The following FUZ variants were observed in gnomAD, a reference collection of about 807,000 sequenced individuals.
FUZ encodes the protein protein fuzzy homolog.
In FUZ, 31 loss-of-function variants were observed where a neutral mutation model predicts 43.1. That is an observed-to-expected ratio of 0.72 (90% CI 0.54 to 0.97). The LOEUF (loss-of-function observed/expected upper bound fraction) is 0.97, where lower values mean the gene tolerates loss of function less well. FUZ is among the 50% of genes least tolerant of loss of function. FUZ has a pLI of 0.00. For synonymous variants in FUZ, 274 were observed against 250.0 expected, an observed-to-expected ratio of 1.10 and a Z score of -0.91; for missense variants, 539 against 543.8, an observed-to-expected ratio of 0.99 and a Z score of 0.09.
chr19:49,813,020 G>A lies in FUZ; in HGVS notation c.87C>T (p.Arg29=). ...SGVPLFCRSS[R]GGAPARQQLP... ...CCTGCTGACGGGCGGGGGCGCCGCC[G>A]CGACTGCTCCTGCAGAATAGGGGGA... The change falls in exon 1 of 11, where the codon CGC becomes CGT. Residue 29 remains arginine, a synonymous_variant. Coordinates refer to ENST00000313777, the MANE Select transcript of FUZ (RefSeq NM_025129.5). The A allele has an allele frequency of 6.4e-7, 1 of 1,551,106 alleles. No individual in the cohort carries two copies. The highest frequency in any genetic ancestry group is 1.2e-5 in the South Asian group (1 of 84,048).
rs62129185 is a variant in FUZ at position 49,807,168 on chromosome 19, G to A, written c.1240C>T (p.Leu414Phe). The change falls in exon 11 of 11, where the codon CTC (leucine) becomes TTC (phenylalanine). Residue 414 changes from leucine to phenylalanine, a missense_variant. By Grantham distance (22) the Leu-to-Phe change is conservative (BLOSUM62 0). Transcript: ENST00000313777. ...CTAGGTAGTCAAAGAAGTGGGGTGAGGGCATGCAGAGTGTGGGTGGCCAGG... is the reference window on the plus strand; with the variant it reads ...CTAGGTAGTCAAAGAAGTGGGGTGAAGGCATGCAGAGTGTGGGTGGCCAGG... ...RSLATHTLHA[L>F]TPLL 19 of 1,613,226 alleles carry A rather than the reference G, an allele frequency of 1.2e-5. No individual in the cohort carries two copies. The Middle Eastern group carries it at 4.9e-4, about 42-fold the overall frequency.
intron 5 of FUZ, among the ~76,000 whole-genome samples, chr19:49,810,789 G>A (rs1352295444): frequency 1.3e-5 from 2 of 152,066 alleles, no homozygotes; most frequent in Non-Finnish European, 2.9e-5. Flanking sequence ...GTTCAAGGCT[G>A]CAGTGAGCTA....
Position 49,809,587 on chromosome 19 carries a change from A to T in FUZ, c.493-12T>A. 6.3e-7 allele frequency: 1 copy of T among 1,582,198 alleles called. No individual in the cohort carries two copies. Among genetic ancestry groups the T allele is most frequent in the East Asian group, 2.3e-5 (1 of 44,016 alleles). ...CCGGAGAGGGCTTCCTGGGTACGGG[A>T]GGCAGGAGGACTGGGAGTCAGCAGA... On this transcript the variant is annotated splice_polypyrimidine_tract_variant and intron_variant, in intron 5 of 10. Transcript: ENST00000313777. The surrounding 1 kb of genome is among the most constrained non-coding windows in gnomAD (Gnocchi z 5.1).
In FUZ at chr19:49,811,432, G is replaced by A. The variant is rs752582696; in HGVS notation, c.423C>T (p.Asp141=). 3 of 1,613,912 alleles carry A rather than the reference G, an allele frequency of 1.9e-6. No individual in the cohort carries two copies. The highest frequency in any genetic ancestry group is 2.2e-5 in the South Asian group (2 of 91,072). Residue 141 remains aspartate (D), a synonymous_variant, in exon 5 of 11, where the codon GAC becomes GAT. Transcript: ENST00000313777. ...GGGTCAGGTCCCCGATGAGCTCCGA[G>A]TCCCCCAGGAAGCTGTCGATGAGGC... ...SYCLIDSFLG[D]SELIGDLTQC... is the part of the protein sequence containing the mutation.
At position 49,807,020 on chromosome 19, in the gene FUZ, T is replaced by TGGG; in HGVS notation, c.*130_*131insCCC. Reference sequence around the variant, plus strand: ...AGGGGCCAGGGAAGTGGATGTCTCCTCCCCTCCCACCCCACCCTGTTGTAG... The same window carrying TGGG: ...AGGGGCCAGGGAAGTGGATGTCTCCTGGGCCCCTCCCACCCCACCCTGTTGTAG... On this transcript the variant is annotated 3_prime_UTR_variant, in exon 11 of 11. Transcript: ENST00000313777. 3 of 1,338,554 alleles carry TGGG rather than the reference T, an allele frequency of 2.2e-6. No homozygotes were observed. The highest frequency in any genetic ancestry group is 3.0e-6 in the Non-Finnish European group (3 of 996,922). 82.9% of individuals were successfully genotyped at this position (1,338,554 alleles called of 1,614,324 possible).
chr19:49,812,391 T>C (rs2073835812), intron 2 of FUZ, 56 bp from the exon 3 acceptor site: 1 of 1,483,512 alleles, frequency 6.7e-7, no homozygotes, highest in East Asian at 2.3e-5. Context: ...GGAAGGGGTA[T>C]GTTGGAGTCC....
chr19:49,809,113 C>T lies in FUZ; in HGVS notation c.786+50G>A, dbSNP rs375800677. 4 of 1,509,956 alleles carry T rather than the reference C, an allele frequency of 2.6e-6. No individual in the cohort carries two copies. Among genetic ancestry groups the T allele is most frequent in the Non-Finnish European group, 3.6e-6 (4 of 1,110,146 alleles). The allele number at this position is 1,509,956 out of a possible 1,614,324, so 93.5% of individuals were successfully genotyped here. A position where few individuals can be genotyped will look rare whatever the true frequency, so the allele number is the denominator to read the frequency against. On this transcript the variant is annotated intron_variant, in intron 7 of 10. Coordinates refer to ENST00000313777, the MANE Select transcript of FUZ (RefSeq NM_025129.5). The surrounding 1 kb of genome is among the most constrained non-coding windows in gnomAD (Gnocchi z 5.1). ...GGGCAGGGTGGTGGGGAAGGGCCCT[C>T]CTGGTAGCGGGTGTCCTAAGAGCGA...
Position 49,807,033 on chromosome 19 carries a change from CACCCT to C in FUZ, c.*113_*117del. On this transcript the variant is annotated 3_prime_UTR_variant, in exon 11 of 11. Transcript: ENST00000313777. ...GTGGATGTCTCCTCCCCTCCCACCC[CACCCT>C]GTTGTAGCCCCTCCTACCCCCTCCC... The C allele has an allele frequency of 6.6e-7, 1 of 1,519,918 alleles. No individual in the cohort carries two copies. The allele number at this position is 1,519,918 out of a possible 1,614,324, so 94.2% of individuals were successfully genotyped here.
intron 3 of FUZ, 56 bp from the exon 4 acceptor site, chr19:49,811,755 T>A (rs2073806777): frequency 1.4e-6 from 2 of 1,417,506 alleles, no homozygotes; most frequent in East Asian, 4.5e-5. Flanking sequence ...AACTCCTGGG[T>A]CTGAAGGAAG....
At chr19:49,813,465 A>C (rs2073884935), upstream of FUZ, 1 of 394,428 alleles carries the variant, frequency 2.5e-6, no homozygotes, top group Admixed American at 3.7e-5. Flanking sequence ...CCTAGCCACC[A>C]TCCTGTAGGC....
rs1480080169 is a variant in FUZ, at chr19:49,808,459, G to A, written c.988C>T (p.Leu330Phe). Residue 330 changes from leucine to phenylalanine, a missense_variant, in exon 10 of 11, where the codon CTC (leucine) becomes TTC (phenylalanine). Coordinates refer to ENST00000313777, the MANE Select transcript of FUZ (RefSeq NM_025129.5). ...GTGACCAGGGTATAGAAGTTTCGGA[G>A]GAGGCGCCGGCGCTGTTCTGGTGAA... ...EPSPEQRRRL[L>F]RNFYTLVTST... 1.9e-6 allele frequency: 3 copies of A among 1,612,530 alleles called. No homozygotes were observed. Among genetic ancestry groups the A allele is most frequent in the Non-Finnish European group, 1.7e-6 (2 of 1,179,678 alleles).
intron 10 of FUZ, 50 bp downstream of exon 10, chr19:49,808,364 G>C: frequency 6.4e-7 from 1 of 1,571,230 alleles, no homozygotes; most frequent in Middle Eastern, 1.8e-4. Context: ...GTGCGACCTG[G>C]GACTCAGTGT....
rs1425005363 is a variant in FUZ at position 49,808,645 on chromosome 19, G to GA, written c.894-8dup. 1 of 1,612,998 alleles carries GA rather than the reference G, an allele frequency of 6.2e-7. No homozygotes were observed. The highest frequency in any genetic ancestry group is 8.5e-7 in the Non-Finnish European group (1 of 1,179,606). On this transcript the variant is annotated splice_polypyrimidine_tract_variant and splice_region_variant and intron_variant, in intron 8 of 10. Transcript: ENST00000313777. Reference sequence around the variant, plus strand: ...CAGGTGGAGGAGCAGCAGCCTGTGGGAAAGGGAAGGGAATGTCATGGCTGG... The same window carrying GA: ...CAGGTGGAGGAGCAGCAGCCTGTGGGAAAAGGGAAGGGAATGTCATGGCTGG...
chr19:49,809,612 A>C lies in FUZ; in HGVS notation c.493-37T>G. ...AGGCAGGAGGACTGGGAGTCAGCAG[A>C]CAAGCGTAGGGGGTGGCAGCGACTT... On this transcript the variant is annotated intron_variant, in intron 5 of 10. Transcript: ENST00000313777. This position sits in a 1 kb window ranked among gnomAD's most constrained non-coding sequence, Gnocchi z 5.1. The C allele has an allele frequency of 6.4e-7, 1 of 1,554,808 alleles. No homozygotes were observed. The highest frequency in any genetic ancestry group is 8.7e-7 in the Non-Finnish European group (1 of 1,155,966).
intron 10 of FUZ, 37 bp downstream of exon 10, chr19:49,808,377 C>T (rs1600264882): frequency 6.3e-7 from 1 of 1,594,066 alleles, no homozygotes; most frequent in Non-Finnish European, 8.5e-7. Flanking sequence ...CTCAGTGTCC[C>T]CGCCTGCGCA....
At chr19:49,810,896 T>C (rs988392263) in intron 5 of FUZ, 1 of 329,494 alleles carries the variant, frequency 3.0e-6, no homozygotes, top group East Asian at 8.5e-5. Context: ...ACGCCTGTCA[T>C]CCCAGCACTG....
In FUZ at chr19:49,807,028, C is replaced by G. The variant is rs1282465452; in HGVS notation, c.*123G>C. 1 of 1,498,672 alleles carries G rather than the reference C, an allele frequency of 6.7e-7. No homozygotes were observed. The highest frequency in any genetic ancestry group is 1.4e-5 in the African/African-American group (1 of 71,848). The allele number at this position is 1,498,672 out of a possible 1,614,324, so 92.8% of individuals were successfully genotyped here. On this transcript the variant is annotated 3_prime_UTR_variant, in exon 11 of 11. Transcript: ENST00000313777. ...GGGAAGTGGATGTCTCCTCCCCTCC[C>G]ACCCCACCCTGTTGTAGCCCCTCCT...
rs2123802289 is a variant in FUZ at position 49,809,011 on chromosome 19, C to T, written c.786+152G>A. On this transcript the variant is annotated intron_variant, in intron 7 of 10. Coordinates refer to ENST00000313777, the MANE Select transcript of FUZ (RefSeq NM_025129.5). This position sits in a 1 kb window ranked among gnomAD's most constrained non-coding sequence, Gnocchi z 5.1. ...GGAAGAATAGAGGCAGAGGCGGGAG[C>T]GGCCGATCTTGGCGGGTAGGTGAAT... is the stretch of plus-strand genomic sequence containing the variant. The T allele has an allele frequency of 1.1e-6, 1 of 903,826 alleles. No individual in the cohort carries two copies. Among genetic ancestry groups the T allele is most frequent in the Middle Eastern group, 3.1e-4 (1 of 3,180 alleles). 56.0% of individuals were successfully genotyped at this position (903,826 alleles called of 1,614,324 possible). A position where few individuals can be genotyped will look rare whatever the true frequency, so the allele number is the denominator to read the frequency against.
chr19:49,811,668 T>C lies in FUZ; in HGVS notation c.350A>G (p.Asn117Ser), dbSNP rs1345181251. The C allele has an allele frequency of 3.7e-6, 6 of 1,614,008 alleles. No individual in the cohort carries two copies. Among genetic ancestry groups the C allele is most frequent in the Non-Finnish European group, 5.1e-6 (6 of 1,180,004 alleles). The change falls in exon 4 of 11, where the codon AAT (asparagine) becomes AGT (serine). Residue 117 changes from asparagine (N) to serine (S), a missense_variant. Asn to Ser is a conservative substitution (Grantham distance 46). Coordinates refer to ENST00000313777, the MANE Select transcript of FUZ (RefSeq NM_025129.5). Reference protein sequence around the residue: ...VLLVGLEELTNIRNVERLKKD... With the variant: ...VLLVGLEELTSIRNVERLKKD... ...CTTCAGTCTCTCCACGTTGCGGATATTGGTCAGTTCTTCAAGTCCCACAAG... is the reference window on the plus strand; with the variant it reads ...CTTCAGTCTCTCCACGTTGCGGATACTGGTCAGTTCTTCAAGTCCCACAAG...
Sources: allele counts gnomAD v4.1 joint callset (sites outside exome capture counted in the v4.1 genomes callset), GRCh38; gene constraint gnomAD v4.1.1; non-coding constraint Gnocchi (gnomAD v3.1); transcripts MANE v1.5; gene names NCBI Gene and HGNC (gene_info 2026-07-23, HGNC 2026-07-21).